Variants in SLC35F3 observed in about 807,000 individuals in gnomAD.
The protein encoded by SLC35F3 is putative thiamine transporter SLC35F3.
SLC35F3 carries 25 observed loss-of-function variants against 49.9 expected under a neutral mutation model. That is an observed-to-expected ratio of 0.50 (90% confidence interval 0.37 to 0.70). The LOEUF (loss-of-function observed/expected upper bound fraction) is 0.70, where lower values mean the gene tolerates loss of function less well. Among genes scored for constraint, SLC35F3 ranks in the 30% least tolerant of loss-of-function variants. The probability of loss-of-function intolerance (pLI) is 0.00; values close to 1 mark genes in which losing one functional copy is unlikely to be tolerated. For missense variants in SLC35F3, 525 were observed against 639.8 expected, an observed-to-expected ratio of 0.82 and a Z score of 1.94; for synonymous variants, 275 against 265.4, an observed-to-expected ratio of 1.04 and a Z score of -0.35.
chr1:234,112,446 T>C (rs533792489), intron 2 of SLC35F3, among the ~76,000 whole-genome samples: 1 of 152,288 alleles, frequency 6.6e-6, no homozygotes, highest in East Asian at 1.9e-4. Context: ...GTGACTCATA[T>C]CAGAGTTTAT....
At chr1:234,224,865 G>A (rs1044767365) in intron 2 of SLC35F3, among the ~76,000 whole-genome samples, 7 of 152,240 alleles carry the variant, frequency 4.6e-5, no homozygotes, top group African/African-American at 7.2e-5. Context: ...AGAGTGTGGT[G>A]TATGTATTGG....
rs185524530 is a variant in SLC35F3 at position 234,281,264 on chromosome 1, G to A, written c.609-27837G>A. 1.4e-3 allele frequency among the ~76,000 whole-genome samples: 214 copies of A among 152,306 alleles called. 2 individuals are homozygous for A. Among genetic ancestry groups the A allele is most frequent in the South Asian group, 0.011 (51 of 4,828 alleles). ...TGAAGACACAGAAGGGTGATGGTAG[G>A]AAGACACAGTGAGGAGATGGCCATC... On this transcript the variant is annotated intron_variant, in intron 3 of 7. Transcript: ENST00000366618.
intron 2 of SLC35F3, among the ~76,000 whole-genome samples, chr1:234,129,615 G>T (rs1665702942): frequency 6.6e-6 from 1 of 152,106 alleles, no homozygotes; most frequent in Admixed American, 6.5e-5. Context: ...AAATACAAAA[G>T]AACTCAGACT....
intron 3 of SLC35F3, among the ~76,000 whole-genome samples, chr1:234,259,544 C>A (rs1016179278): frequency 6.6e-6 from 1 of 151,956 alleles, no homozygotes; most frequent in African/African-American, 2.4e-5. Flanking sequence ...TGGTGGTGTG[C>A]GTACCTGTAG....
At chr1:234,267,183 A>G (rs1180062844) in intron 3 of SLC35F3, among the ~76,000 whole-genome samples, 2 of 132,710 alleles carry the variant, frequency 1.5e-5, no homozygotes, top group African/African-American at 5.9e-5. Context: ...TTCAGAGAGC[A>G]CAGGGTTGGG....
At chr1:234,113,585 C>G (rs1351231475) in intron 2 of SLC35F3, among the ~76,000 whole-genome samples, 1 of 152,072 alleles carries the variant, frequency 6.6e-6, no homozygotes, top group Non-Finnish European at 1.5e-5. Flanking sequence ...GACATGTAGG[C>G]AAGCATGGTG....
At chr1:233,922,270 T>C (rs557284686) in intron 2 of SLC35F3, among the ~76,000 whole-genome samples, 2 of 152,268 alleles carry the variant, frequency 1.3e-5, no homozygotes, top group East Asian at 1.9e-4. Context: ...AGTGTAAAAG[T>C]GTTCCTATTT....
intron 2 of SLC35F3, among the ~76,000 whole-genome samples, chr1:234,085,006 C>T (rs1199761911): frequency 1.3e-5 from 2 of 152,140 alleles, no homozygotes; most frequent in African/African-American, 4.8e-5. Context: ...ATCCTGAAAG[C>T]ATTATGACAA....
intron 2 of SLC35F3, among the ~76,000 whole-genome samples, chr1:234,056,894 C>A (rs534141584): frequency 3.9e-5 from 6 of 152,258 alleles, no homozygotes; most frequent in African/African-American, 1.4e-4. Flanking sequence ...CCCAGTTGTG[C>A]CAGCATCATT....
At chr1:234,230,646 T>C (rs1271027306) in intron 2 of SLC35F3, among the ~76,000 whole-genome samples, 2 of 152,212 alleles carry the variant, frequency 1.3e-5, no homozygotes, top group East Asian at 3.8e-4. Context: ...GGAACAACAC[T>C]GCCGCAGAGC....
At chr1:233,970,440 G>T (rs1053022832) in intron 2 of SLC35F3, among the ~76,000 whole-genome samples, 1 of 152,200 alleles carries the variant, frequency 6.6e-6, no homozygotes, top group African/African-American at 2.4e-5. Flanking sequence ...ACTGGGTTAA[G>T]ATTTGAGGGC....
At chr1:234,298,804 C>A (rs1668646552) in intron 3 of SLC35F3, among the ~76,000 whole-genome samples, 1 of 152,278 alleles carries the variant, frequency 6.6e-6, no homozygotes. Context: ...ATCAGACTAA[C>A]CCTCCCTTTA....
intron 2 of SLC35F3, among the ~76,000 whole-genome samples, chr1:234,097,566 A>G (rs953072374): frequency 2.6e-5 from 4 of 152,142 alleles, no homozygotes; most frequent in African/African-American, 9.7e-5. Flanking sequence ...ACACACGCAC[A>G]TTATTTGTTT....
At chr1:234,031,323 A>G (rs1468509222) in intron 2 of SLC35F3, among the ~76,000 whole-genome samples, 1 of 152,190 alleles carries the variant, frequency 6.6e-6, no homozygotes, top group African/African-American at 2.4e-5. Flanking sequence ...CCTATCACCT[A>G]TGTGTGAACT....
chr1:233,967,395 T>G (rs943891539), intron 2 of SLC35F3, among the ~76,000 whole-genome samples: 10 of 152,228 alleles, frequency 6.6e-5, no homozygotes, highest in African/African-American at 1.9e-4. Context: ...AAGAATTAAT[T>G]TTTAGCTAGA....
chr1:233,951,102 C>T (rs4339928), intron 2 of SLC35F3, among the ~76,000 whole-genome samples: 104,475 of 150,722 alleles, frequency 0.69, 36,531 homozygotes, highest in African/African-American at 0.78. Flanking sequence ...TATGATAACA[C>T]GTCTCTTGGA....
At chr1:233,983,188 C>G (rs1319428353) in intron 2 of SLC35F3, among the ~76,000 whole-genome samples, 1 of 137,046 alleles carries the variant, frequency 7.3e-6, no homozygotes, top group Non-Finnish European at 1.6e-5. Flanking sequence ...CCCTCCCTCT[C>G]TATCTCTCAA....
At chr1:234,226,955 A>ACGCG (rs1163164761) in intron 2 of SLC35F3, among the ~76,000 whole-genome samples, 1 of 141,622 alleles carries the variant, frequency 7.1e-6, no homozygotes, top group Admixed American at 6.8e-5. Context: ...GCGTGCGCGC[A>ACGCG]CGCGTGCACA....
At chr1:234,292,659 G>A (rs1668528008) in intron 3 of SLC35F3, among the ~76,000 whole-genome samples, 2 of 152,202 alleles carry the variant, frequency 1.3e-5, no homozygotes, top group Non-Finnish European at 2.9e-5. Flanking sequence ...GGGCCCTGGG[G>A]CTCATACTAG....
Sources: gnomAD v4.1 joint callset for allele counts (sites outside exome capture counted in the v4.1 genomes callset) on GRCh38, gnomAD v4.1.1 for gene constraint, MANE v1.5 for transcripts, NCBI Gene and HGNC (gene_info 2026-07-23, HGNC 2026-07-21) for gene names.